Variants in ZNF639 observed in about 807,000 individuals in gnomAD.
ZNF639 encodes the protein zinc finger protein 639.
In ZNF639, 20 loss-of-function variants were observed where a neutral mutation model predicts 39.8. The observed-to-expected ratio is 0.50, with a 90% CI of 0.35 to 0.73. The LOEUF is 0.73. ZNF639 is among the 30% of genes least tolerant of loss of function. The probability of loss-of-function intolerance (pLI) is 0.00; values close to 1 mark genes in which losing one functional copy is unlikely to be tolerated. For missense variants in ZNF639, 477 were observed against 566.2 expected, an observed-to-expected ratio of 0.84 and a Z score of 1.60; for synonymous variants, 176 against 189.8, an observed-to-expected ratio of 0.93 and a Z score of 0.60.
At chr3:179,329,785 CCTTA>C (rs1168437297) in intron 4 of ZNF639, 57 bp downstream of exon 4, 42 of 902,358 alleles carry the variant, frequency 4.7e-5, no homozygotes, top group East Asian at 2.4e-4. Flanking sequence ...ATTTTTTATT[CCTTA>C]CTTGAAAATG....
At chr3:179,323,942 G>C (rs190131912) in intron 1 of ZNF639, 1 of 152,220 alleles carries the variant, frequency 6.6e-6, no homozygotes, top group Admixed American at 6.5e-5. Flanking sequence ...TTTTCGAAGA[G>C]AAAGATTTAT....
chr3:179,329,286 C>T (rs531271495), intron 3 of ZNF639, among the ~76,000 whole-genome samples: 35 of 152,292 alleles, frequency 2.3e-4, no homozygotes, highest in African/African-American at 8.4e-4. Flanking sequence ...CATGACATGG[C>T]ACACCTTCCT....
At position 179,336,307 on chromosome 3, in the gene ZNF639, C is replaced by G. The variant is rs1711525401; in HGVS notation, c.*1885C>G. The G allele has an allele frequency of 6.9e-6, 1 of 144,536 alleles. No individual in the cohort carries two copies. The highest frequency in any genetic ancestry group is 2.3e-4 in the South Asian group (1 of 4,408). 9.0% of individuals were successfully genotyped at this position (144,536 alleles called of 1,614,324 possible). On this transcript the variant is annotated 3_prime_UTR_variant, in exon 6 of 6. Transcript: ENST00000496856. ...AGATAGAATTATATGTATCATTGCC[C>G]TCAAATTTAACAAGCACTGCTAACA...
intron 1 of ZNF639, among the ~76,000 whole-genome samples, chr3:179,326,244 C>T (rs1727585394): frequency 6.6e-6 from 1 of 152,098 alleles, no homozygotes; most frequent in Admixed American, 6.6e-5. Context: ...GCCCGTAATC[C>T]CGGCCACTCA....
In ZNF639 at chr3:179,332,966, T is replaced by C. The variant is rs745719830; in HGVS notation, c.170-23T>C. 3.9e-6 allele frequency: 6 copies of C among 1,528,212 alleles called. No individual in the cohort carries two copies. The East Asian group carries it at 9.8e-5, about 25-fold the overall frequency. The allele number at this position is 1,528,212 out of a possible 1,614,324, so 94.7% of individuals were successfully genotyped here. On this transcript the variant is annotated intron_variant, in intron 4 of 5. Coordinates refer to ENST00000496856, the MANE Select transcript of ZNF639 (RefSeq NM_001303426.2). ...GCTTTGATTGTATAAATAATAAGTA[T>C]TCTTCCAAATCCCTTTTTACAGATG...
intron 4 of ZNF639, among the ~76,000 whole-genome samples, chr3:179,332,323 A>G (rs1727962714): frequency 1.3e-5 from 2 of 152,234 alleles, no homozygotes; most frequent in Admixed American, 1.3e-4. Context: ...GGTCTATTTT[A>G]AGAAAACATG....
Position 179,336,244 on chromosome 3 carries a change from A to C in ZNF639, c.*1822A>C, listed in dbSNP as rs1711521389. On this transcript the variant is annotated 3_prime_UTR_variant, in exon 6 of 6. Coordinates refer to ENST00000496856, the MANE Select transcript of ZNF639 (RefSeq NM_001303426.2). ...TCAACATATGAATTTGGGAGGGAAC[A>C]CAATTGAGTAGCAGAGTCTGAAACA... The C allele has an allele frequency of 6.6e-6, 1 of 152,242 alleles. No individual in the cohort carries two copies. The allele number at this position is 152,242 out of a possible 1,614,324, so 9.4% of individuals were successfully genotyped here.
At chr3:179,326,381 A>C (rs866695769) in intron 1 of ZNF639, among the ~76,000 whole-genome samples, 3 of 152,148 alleles carry the variant, frequency 2.0e-5, no homozygotes, top group African/African-American at 2.4e-5. Context: ...ATAGATTAAT[A>C]AATAAAGTTG....
Position 179,333,311 on chromosome 3 carries a change from C to T in ZNF639, c.347C>T (p.Ser116Leu). 1.2e-6 allele frequency: 2 copies of T among 1,612,940 alleles called. No homozygotes were observed. The highest frequency in any genetic ancestry group is 1.1e-5 in the South Asian group (1 of 90,678). ...DIVICDEECD[S>L]PESVNQQTQE... ...GTAATTTGTGATGAAGAGTGTGACT[C>T]ACCTGAATCAGTCAACCAGCAAACC... Residue 116 changes from serine to leucine, a missense_variant, in exon 6 of 6, where the codon TCA becomes TTA. Ser to Leu is a moderately radical substitution (Grantham distance 145). Transcript: ENST00000496856.
At chr3:179,327,210 T>C (rs1727646329) in intron 1 of ZNF639, among the ~76,000 whole-genome samples, 1 of 152,022 alleles carries the variant, frequency 6.6e-6, no homozygotes, top group Admixed American at 6.6e-5. Flanking sequence ...AAGTTTATAA[T>C]TTGGTTTGCT....
At position 179,337,600 on chromosome 3, in the gene ZNF639, G is replaced by C. The variant is rs1014759401; in HGVS notation, c.*3178G>C. Reference sequence around the variant, plus strand: ...GATCTGCCCACCTCGACCTCCCAAAGTGCTAGGATTACAGGCGTGAGCCAC... The same window carrying C: ...GATCTGCCCACCTCGACCTCCCAAACTGCTAGGATTACAGGCGTGAGCCAC... On this transcript the variant is annotated 3_prime_UTR_variant, in exon 6 of 6. Transcript: ENST00000496856. 1 of 151,990 alleles carries C rather than the reference G, an allele frequency of 6.6e-6. No homozygotes were observed. Among genetic ancestry groups the C allele is most frequent in the Non-Finnish European group, 1.5e-5 (1 of 68,116 alleles). 9.4% of individuals were successfully genotyped at this position (151,990 alleles called of 1,614,324 possible).
At chr3:179,328,060 ACCT>A (rs1457078083) in intron 2 of ZNF639, 1 of 350,944 alleles carries the variant, frequency 2.8e-6, no homozygotes, top group Non-Finnish European at 5.2e-6. Context: ...GAATTTTTTA[ACCT>A]CCGTAAGAAA....
At position 179,323,201 on chromosome 3, in the gene ZNF639, C is replaced by G. The variant is rs1221234312; in HGVS notation, c.-173C>G. The G allele has an allele frequency of 1.0e-6, 1 of 984,830 alleles. No homozygotes were observed. The highest frequency in any genetic ancestry group is 1.2e-6 in the Non-Finnish European group (1 of 829,850). The allele number at this position is 984,830 out of a possible 1,614,324, so 61.0% of individuals were successfully genotyped here. On this transcript the variant is annotated 5_prime_UTR_variant, in exon 1 of 6. Transcript: ENST00000496856. ...GCAGCGCTGCCCGCCGCCGTGCGTC[C>G]GCGGGAAGGACCGCGCGGCCCCTCC...
In ZNF639 at chr3:179,335,768, T is replaced by A. The variant is rs1711510128; in HGVS notation, c.*1346T>A. On this transcript the variant is annotated 3_prime_UTR_variant, in exon 6 of 6. Coordinates refer to ENST00000496856, the MANE Select transcript of ZNF639 (RefSeq NM_001303426.2). ...CCTGTGTGCAAGTCTGTCCCCCAAATTTCCTCTTTTTTTTTTTTTTTTTGC... is the reference window on the plus strand; with the variant it reads ...CCTGTGTGCAAGTCTGTCCCCCAAAATTCCTCTTTTTTTTTTTTTTTTTGC... The A allele has an allele frequency of 1.6e-5, 2 of 128,844 alleles. No homozygotes were observed. 8.0% of individuals were successfully genotyped at this position (128,844 alleles called of 1,614,324 possible).
Position 179,333,528 on chromosome 3 carries a change from T to C in ZNF639, c.564T>C (p.Thr188=). The stretch of plus-strand genomic sequence containing the variant: ...ACAAGAGCCAAGCTTTGAATGTGAC[T>C]GCCCAGCAGAAATGGCCTTTACTGA... ...ILDKSQALNV[T]AQQKWPLLRA... The change falls in exon 6 of 6, where the codon ACT becomes ACC. Residue 188 remains threonine, a synonymous_variant. Coordinates refer to ENST00000496856, the MANE Select transcript of ZNF639 (RefSeq NM_001303426.2). 6.2e-7 allele frequency: 1 copy of C among 1,614,186 alleles called. No individual in the cohort carries two copies. Among genetic ancestry groups the C allele is most frequent in the Non-Finnish European group, 8.5e-7 (1 of 1,180,042 alleles).
At chr3:179,322,916 C>T (rs1727356931), upstream of ZNF639, 10 of 984,728 alleles carry the variant, frequency 1.0e-5, no homozygotes, top group Non-Finnish European at 1.1e-5. Flanking sequence ...CGCTGGGCCT[C>T]CCCCGGGGCT....
intron 4 of ZNF639, among the ~76,000 whole-genome samples, chr3:179,330,629 G>A (rs1359677412): frequency 6.6e-6 from 1 of 152,236 alleles, no homozygotes; most frequent in Non-Finnish European, 1.5e-5. Flanking sequence ...CAATGCAGGA[G>A]TGACTCAGAG....
In ZNF639 at chr3:179,334,962, T is replaced by A. The variant is rs1728138589; in HGVS notation, c.*540T>A. ...TTAAAAAAAAATTTTTGAGCCACTA[T>A]CTATTGTTGAATATTTTAAGATGGG... On this transcript the variant is annotated 3_prime_UTR_variant, in exon 6 of 6. Transcript: ENST00000496856. The A allele has an allele frequency of 6.6e-6, 1 of 152,212 alleles. No homozygotes were observed. The highest frequency in any genetic ancestry group is 1.5e-5 in the Non-Finnish European group (1 of 68,056). 9.4% of individuals were successfully genotyped at this position (152,212 alleles called of 1,614,324 possible).
rs549313818 is a variant in ZNF639, at chr3:179,337,258, C to CA, written c.*2848dup. ...CCTGGGTGACAGAGTGAGACTGTCTCAAAAAAAAAAAAGAAAAGAAGAAAA... is the reference window on the plus strand; with the variant it reads ...CCTGGGTGACAGAGTGAGACTGTCTCAAAAAAAAAAAAAGAAAAGAAGAAAA... On this transcript the variant is annotated 3_prime_UTR_variant, in exon 6 of 6. Coordinates refer to ENST00000496856, the MANE Select transcript of ZNF639 (RefSeq NM_001303426.2). 45,563 of 127,136 alleles carry CA rather than the reference C, an allele frequency of 0.36. 7,244 individuals are homozygous for CA. Among genetic ancestry groups the CA allele is most frequent in the Admixed American group, 0.39 (4,905 of 12,532 alleles). 7.9% of individuals were successfully genotyped at this position (127,136 alleles called of 1,614,324 possible).
Sources: gnomAD v4.1 joint callset for allele counts (sites outside exome capture counted in the v4.1 genomes callset) on GRCh38, gnomAD v4.1.1 for gene constraint, MANE v1.5 for transcripts, NCBI Gene and HGNC (gene_info 2026-07-23, HGNC 2026-07-21) for gene names.